Variants in DNM3 observed in about 807,000 individuals in gnomAD.
The protein encoded by DNM3 is dynamin 3.
Under a neutral mutation model 101.6 loss-of-function variants are expected in DNM3, and 47 were observed. The observed-to-expected ratio is 0.46, with a 90% confidence interval of 0.37 to 0.59. DNM3 has a LOEUF of 0.59. DNM3 is among the 20% of genes least tolerant of loss of function. The pLI is 0.00. For synonymous variants in DNM3, 385 were observed against 387.9 expected (o/e 0.99, Z 0.09); for missense variants, 849 against 1,085.7 (o/e 0.78, Z 3.06).
At chr1:172,243,855 G>A (rs2061839263) in intron 14 of DNM3, among the ~76,000 whole-genome samples, 1 of 151,990 alleles carries the variant, frequency 6.6e-6, no homozygotes, top group African/African-American at 2.4e-5. Context: ...CATCTCTATA[G>A]TTATAACTTC....
chr1:172,125,053 T>C (rs889247872), intron 13 of DNM3, among the ~76,000 whole-genome samples: 1 of 152,164 alleles, frequency 6.6e-6, no homozygotes, highest in Non-Finnish European at 1.5e-5. Context: ...GAGGAGCCCA[T>C]GCAGCTCCCC....
chr1:172,117,161 T>C (rs1350791581), intron 13 of DNM3, among the ~76,000 whole-genome samples: 2 of 150,890 alleles, frequency 1.3e-5, no homozygotes, highest in Non-Finnish European at 2.9e-5. Flanking sequence ...GCTGAGATCA[T>C]GCCATTGCAC....
At chr1:172,083,524 G>C (rs935549980) in intron 12 of DNM3, among the ~76,000 whole-genome samples, 3 of 152,174 alleles carry the variant, frequency 2.0e-5, no homozygotes, top group African/African-American at 7.2e-5. Flanking sequence ...TGTAGCAGAT[G>C]TCGATGTAAA....
At chr1:172,080,482 G>A (rs2053050901) in intron 11 of DNM3, among the ~76,000 whole-genome samples, 2 of 152,172 alleles carry the variant, frequency 1.3e-5, no homozygotes, top group Admixed American at 6.5e-5. Flanking sequence ...CCCCAACCAA[G>A]CTAGAGCATC....
chr1:172,158,411 A>G (rs1031221914), intron 14 of DNM3, among the ~76,000 whole-genome samples: 1 of 152,032 alleles, frequency 6.6e-6, no homozygotes, highest in Non-Finnish European at 1.5e-5. Context: ...ATATGAAAAA[A>G]GGAGAACATT....
intron 14 of DNM3, among the ~76,000 whole-genome samples, chr1:172,168,259 G>A (rs373587064): frequency 4.9e-5 from 7 of 144,104 alleles, no homozygotes; most frequent in Non-Finnish European, 3.0e-5. Context: ...TTTTTTTTTT[G>A]TCTTTTCTTA....
chr1:172,340,523 G>A (rs1405776518), intron 17 of DNM3, among the ~76,000 whole-genome samples: 3 of 152,068 alleles, frequency 2.0e-5, no homozygotes, highest in African/African-American at 7.2e-5. Flanking sequence ...TTTCCTGATG[G>A]GTCACTGACA....
chr1:172,243,551 A>T (rs1363046529), intron 14 of DNM3, among the ~76,000 whole-genome samples: 1 of 152,168 alleles, frequency 6.6e-6, no homozygotes. Context: ...TTCTCCTGCC[A>T]AGTGGAGATA....
chr1:171,940,415 T>G (rs1423661927), intron 2 of DNM3, among the ~76,000 whole-genome samples: 1 of 152,186 alleles, frequency 6.6e-6, no homozygotes, highest in East Asian at 1.9e-4. Context: ...TTGCAGACCA[T>G]GTTTCAGTTG....
chr1:172,336,462 G>A (rs2066431761), intron 17 of DNM3, among the ~76,000 whole-genome samples: 1 of 147,902 alleles, frequency 6.8e-6, no homozygotes, highest in Non-Finnish European at 1.5e-5. Flanking sequence ...AGTGTCACAG[G>A]AAATACACAA....
intron 1 of DNM3, among the ~76,000 whole-genome samples, chr1:171,914,922 GGTGGGGGGACC>G (rs553304620): frequency 2.4e-4 from 36 of 152,192 alleles, no homozygotes; most frequent in African/African-American, 7.9e-4. Flanking sequence ...GACATGTGGG[GGTGGGGGGACC>G]TCGAGAAGAC....
intron 1 of DNM3, chr1:171,864,779 A>G (rs956770395): frequency 2.6e-5 from 4 of 152,080 alleles, no homozygotes; most frequent in Non-Finnish European, 5.9e-5. Flanking sequence ...ATAGTGTTTT[A>G]TTATTGATTT....
intron 20 of DNM3, among the ~76,000 whole-genome samples, chr1:172,389,853 G>C (rs1454785640): frequency 6.6e-6 from 1 of 152,166 alleles, no homozygotes; most frequent in East Asian, 1.9e-4. Flanking sequence ...GAAGAAGGGG[G>C]ATCTTAAGCT....
intron 14 of DNM3, among the ~76,000 whole-genome samples, chr1:172,144,087 T>G (rs773705458): frequency 3.3e-5 from 5 of 152,048 alleles, no homozygotes; most frequent in Non-Finnish European, 7.4e-5. Flanking sequence ...AAAAGTAGCC[T>G]CATTAAACTA....
intron 15 of DNM3, among the ~76,000 whole-genome samples, chr1:172,265,367 A>C (rs1406394561): frequency 6.6e-6 from 1 of 152,080 alleles, no homozygotes; most frequent in Non-Finnish European, 1.5e-5. Flanking sequence ...AAATGAAAGG[A>C]TTTGTTGCTA....
intron 14 of DNM3, among the ~76,000 whole-genome samples, chr1:172,221,988 A>C (rs1231008760): frequency 2.0e-5 from 3 of 152,156 alleles, no homozygotes; most frequent in African/African-American, 7.2e-5. Context: ...CTTAATCATC[A>C]AGTAGCTGAG....
chr1:171,938,723 A>G (rs2041617362), intron 2 of DNM3, among the ~76,000 whole-genome samples: 1 of 152,194 alleles, frequency 6.6e-6, no homozygotes, highest in Admixed American at 6.5e-5. Flanking sequence ...CATCATACAT[A>G]TATTAAGGTC....
At chr1:171,987,585 TAAAG>T in intron 2 of DNM3, 67 bp from the exon 3 acceptor site, 1 of 1,434,930 alleles carries the variant, frequency 7.0e-7, no homozygotes, top group Non-Finnish European at 9.3e-7. Flanking sequence ...GACTTATAAT[TAAAG>T]AAACTTTTAT....
intron 14 of DNM3, among the ~76,000 whole-genome samples, chr1:172,171,226 C>T (rs2058946737): frequency 6.6e-6 from 1 of 151,728 alleles, no homozygotes; most frequent in Non-Finnish European, 1.5e-5. Context: ...CTTGATTCTT[C>T]CTCCCTATAC....
Sources: allele counts gnomAD v4.1 joint callset (sites outside exome capture counted in the v4.1 genomes callset), GRCh38; gene constraint gnomAD v4.1.1; transcripts MANE v1.5; gene names NCBI Gene and HGNC (gene_info 2026-07-23, HGNC 2026-07-21).